AUTS2: variants seen among roughly 807,000 people sequenced by gnomAD.
AUTS2 encodes the protein autism susceptibility gene 2 protein.
In AUTS2, 17 loss-of-function variants were observed where a neutral mutation model predicts 112.4. The ratio of observed to expected loss-of-function variants is 0.15; its 90% confidence interval spans 0.10 to 0.23. The LOEUF is 0.23. Among genes scored for constraint, AUTS2 ranks in the 10% least tolerant of loss-of-function variants. The probability of loss-of-function intolerance (pLI) is 1.00; values close to 1 mark genes in which losing one functional copy is unlikely to be tolerated. For synonymous variants in AUTS2, 751 were observed against 702.7 expected, an observed-to-expected ratio of 1.07 and a Z score of -1.09; for missense variants, 1,510 against 1,701.6, an observed-to-expected ratio of 0.89 and a Z score of 1.98.
At chr7:70,733,632 G>A (rs969860786) in intron 6 of AUTS2, among the ~76,000 whole-genome samples, 3 of 148,562 alleles carry the variant, frequency 2.0e-5, no homozygotes, top group African/African-American at 7.5e-5. Context: ...TGTCACCCAG[G>A]CTAGAGTACA....
Position 69,984,744 on chromosome 7 carries a change from C to T in AUTS2, c.522+85246C>T, listed in dbSNP as rs1432008654. Reference sequence around the variant, plus strand: ...CCATAGTTGGTAGCAAATTCCCTTCCACTCCTCTTCCTGCCTGTTAACACT... The same window carrying T: ...CCATAGTTGGTAGCAAATTCCCTTCTACTCCTCTTCCTGCCTGTTAACACT... On this transcript the variant is annotated intron_variant, in intron 2 of 18. Transcript: ENST00000342771. 2.6e-5 allele frequency among the ~76,000 whole-genome samples: 4 copies of T among 152,106 alleles called. No homozygotes were observed. The South Asian group carries it at 8.3e-4, about 32-fold the overall frequency.
At chr7:70,359,602 G>C (rs1792166980) in intron 4 of AUTS2, among the ~76,000 whole-genome samples, 1 of 152,102 alleles carries the variant, frequency 6.6e-6, no homozygotes, top group South Asian at 2.1e-4. Flanking sequence ...GCCGGCTCTT[G>C]AGGGATCTAA....
intron 4 of AUTS2, among the ~76,000 whole-genome samples, chr7:70,232,052 C>T (rs1388977351): frequency 6.6e-6 from 1 of 152,200 alleles, no homozygotes; most frequent in Non-Finnish European, 1.5e-5. Flanking sequence ...AGATTACAGG[C>T]ATGAGCCACT....
intron 5 of AUTS2, among the ~76,000 whole-genome samples, chr7:70,590,154 G>GTA (rs538526470): frequency 2.1e-3 from 212 of 103,352 alleles, no homozygotes; most frequent in African/African-American, 9.1e-3. Context: ...GTGTGTGTAT[G>GTA]TATGTATATA....
At position 69,948,997 on chromosome 7, in the gene AUTS2, G is replaced by A. The variant is rs571655187; in HGVS notation, c.522+49499G>A. 6.6e-5 allele frequency among the ~76,000 whole-genome samples: 10 copies of A among 152,058 alleles called. No homozygotes were observed. In the South Asian group the frequency reaches 2.1e-3, roughly 32 times the overall value. ...ATTTTTGTAATTTTTAGTAGAGATT[G>A]GGTTTCACCATGTTGGCCAGGCTGG... On this transcript the variant is annotated intron_variant, in intron 2 of 18. Coordinates refer to ENST00000342771, the MANE Select transcript of AUTS2 (RefSeq NM_015570.4).
chr7:69,639,983 C>G (rs1446073531), intron 1 of AUTS2, among the ~76,000 whole-genome samples: 1 of 152,142 alleles, frequency 6.6e-6, no homozygotes, highest in Non-Finnish European at 1.5e-5. Context: ...ACTGTATGAT[C>G]TTGGTCAAAC....
intron 2 of AUTS2, among the ~76,000 whole-genome samples, chr7:70,024,045 A>G (rs533717362): frequency 2.0e-5 from 3 of 152,324 alleles, no homozygotes; most frequent in African/African-American, 7.2e-5. Flanking sequence ...AGCACACACA[A>G]ATTATTCAGG....
intron 5 of AUTS2, among the ~76,000 whole-genome samples, chr7:70,609,789 CTTT>C (rs1803982744): frequency 1.3e-5 from 2 of 152,102 alleles, no homozygotes; most frequent in South Asian, 4.1e-4. Flanking sequence ...ACCACATTTT[CTTT>C]ATCTATTCAT....
chr7:70,332,539 G>A (rs189781232), intron 4 of AUTS2, among the ~76,000 whole-genome samples: 191 of 152,154 alleles, frequency 1.3e-3, no homozygotes, highest in Admixed American at 2.3e-3. Flanking sequence ...AGCTGGAGGC[G>A]TCATGCTACC....
rs539987308 is a variant in AUTS2 at position 70,473,947 on chromosome 7, C to T, written c.690+38166C>T. Among the ~76,000 whole-genome samples, 9 of 152,196 alleles carry T rather than the reference C, an allele frequency of 5.9e-5. No individual in the cohort carries two copies. The East Asian group carries it at 1.5e-3, about 26-fold the overall frequency. ...GCTAGCTCACCAGATAAAATCCTCC[C>T]AGCTTCTTCAAGCGTGGCAGAGGAG... On this transcript the variant is annotated intron_variant, in intron 5 of 18. Transcript: ENST00000342771.
At chr7:70,363,696 C>T (rs1234848769) in intron 4 of AUTS2, among the ~76,000 whole-genome samples, 2 of 152,208 alleles carry the variant, frequency 1.3e-5, no homozygotes, top group East Asian at 1.9e-4. Flanking sequence ...TATATTGCTA[C>T]CCATGTACTC....
chr7:69,605,779 T>C (rs1792685187), intron 1 of AUTS2, among the ~76,000 whole-genome samples: 1 of 152,152 alleles, frequency 6.6e-6, no homozygotes, highest in Admixed American at 6.5e-5. Flanking sequence ...GACTGTAAAA[T>C]AAATGGGTCA....
chr7:69,617,802 T>A (rs1793458625), intron 1 of AUTS2, among the ~76,000 whole-genome samples: 1 of 152,180 alleles, frequency 6.6e-6, no homozygotes, highest in Admixed American at 6.5e-5. Context: ...TTGTGTCTCC[T>A]TTCCTGTTAG....
chr7:69,918,991 G>T (rs565974954), intron 2 of AUTS2, among the ~76,000 whole-genome samples: 1 of 152,062 alleles, frequency 6.6e-6, no homozygotes, highest in Non-Finnish European at 1.5e-5. Context: ...GCTACTCTTG[G>T]GGGTAGAAAT....
intron 6 of AUTS2, among the ~76,000 whole-genome samples, chr7:70,751,809 C>T (rs749486683): frequency 1.3e-4 from 20 of 152,078 alleles, no homozygotes; most frequent in Non-Finnish European, 2.4e-4. Flanking sequence ...CAACCTCCGC[C>T]TCCTGGGGTC....
intron 5 of AUTS2, among the ~76,000 whole-genome samples, chr7:70,472,701 A>C (rs1004731642): frequency 1.3e-5 from 2 of 152,212 alleles, no homozygotes; most frequent in Middle Eastern, 3.2e-3. Context: ...TTTTAGGGCA[A>C]TAGATCTGTA....
rs567389589 is a variant in AUTS2, at chr7:70,224,736, G to C, written c.660+90165G>C. On this transcript the variant is annotated intron_variant, in intron 4 of 18. Coordinates refer to ENST00000342771, the MANE Select transcript of AUTS2 (RefSeq NM_015570.4). ...TCCAGTCCTGTAAGCTCCATTCATG[G>C]TAAGTGCCCTATACAGGTGTACCAT... 9.9e-5 allele frequency among the ~76,000 whole-genome samples: 15 copies of C among 152,228 alleles called. No individual in the cohort carries two copies. In the South Asian group the frequency reaches 3.1e-3, roughly 32 times the overall value.
intron 5 of AUTS2, among the ~76,000 whole-genome samples, chr7:70,542,526 G>A (rs1800593732): frequency 6.6e-6 from 1 of 152,226 alleles, no homozygotes; most frequent in Non-Finnish European, 1.5e-5. Flanking sequence ...AGAATGCAAA[G>A]TGGGGTGTCC....
At chr7:70,634,993 C>T (rs1002125615) in intron 5 of AUTS2, among the ~76,000 whole-genome samples, 2 of 152,120 alleles carry the variant, frequency 1.3e-5, no homozygotes, top group African/African-American at 4.8e-5. Context: ...GAGCCTTATA[C>T]CCCTTCACCA....
Sources: allele counts gnomAD v4.1 joint callset (sites outside exome capture counted in the v4.1 genomes callset), GRCh38; gene constraint gnomAD v4.1.1; transcripts MANE v1.5; gene names NCBI Gene and HGNC (gene_info 2026-07-23, HGNC 2026-07-21).